The following DCTN6 variants were observed in gnomAD, a reference collection of about 807,000 sequenced individuals.
DCTN6 encodes the protein dynactin 6.
Under a neutral mutation model 25.8 loss-of-function variants are expected in DCTN6, and 15 were observed. That is an observed-to-expected ratio of 0.58 (90% CI 0.39 to 0.89). DCTN6 has a LOEUF of 0.89. Among genes scored for constraint, DCTN6 ranks in the 40% least tolerant of loss-of-function variants. DCTN6 has a pLI of 0.00. For missense variants in DCTN6, 198 were observed against 237.6 expected (o/e 0.83, Z 1.09); for synonymous variants, 64 against 78.3 (o/e 0.82, Z 0.96).
At chr8:30,173,069 A>C (rs1803784501) in intron 2 of DCTN6, among the ~76,000 whole-genome samples, 1 of 152,164 alleles carries the variant, frequency 6.6e-6, no homozygotes, top group African/African-American at 2.4e-5. Context: ...TAACAGCTGA[A>C]GATTTGGAAA....
In DCTN6 at chr8:30,180,575, A is replaced by G. The variant is rs1244143712; in HGVS notation, c.419A>G (p.Asn140Ser). 6.2e-7 allele frequency: 1 copy of G among 1,613,996 alleles called. No homozygotes were observed. The highest frequency in any genetic ancestry group is 1.3e-5 in the African/African-American group (1 of 74,918). Residue 140 changes from asparagine to serine, a missense_variant, in exon 6 of 7, where the codon AAT becomes AGT. Coordinates refer to ENST00000221114, the MANE Select transcript of DCTN6 (RefSeq NM_006571.4). ...AATACATTTGAAGTCATCCCTGAGAATACGGTGATCTATGGTGCAGACTGC... is the reference window on the plus strand; with the variant it reads ...AATACATTTGAAGTCATCCCTGAGAGTACGGTGATCTATGGTGCAGACTGC... ...NLNTFEVIPE[N>S]TVIYGADCLR...
chr8:30,164,198 T>G, intron 2 of DCTN6, 23 bp downstream of exon 2: 6 of 1,571,824 alleles, frequency 3.8e-6, no homozygotes, highest in Non-Finnish European at 5.3e-6. Context: ...TTATTTACTG[T>G]TTTTCAAGAA....
At chr8:30,163,087 C>T (rs1035250260) in intron 1 of DCTN6, among the ~76,000 whole-genome samples, 1 of 151,786 alleles carries the variant, frequency 6.6e-6, no homozygotes. Flanking sequence ...CACCTGAGGT[C>T]GGGAGTTCGA....
At chr8:30,178,713 G>A (rs1803876780) in intron 4 of DCTN6, among the ~76,000 whole-genome samples, 1 of 151,888 alleles carries the variant, frequency 6.6e-6, no homozygotes, top group South Asian at 2.1e-4. Flanking sequence ...GGCTGGCATT[G>A]CAGTGGCACA....
rs923384415 is a variant in DCTN6 at position 30,164,770 on chromosome 8, C to CG, written c.88+597dup. On this transcript the variant is annotated intron_variant, in intron 2 of 6. Transcript: ENST00000221114. ...CGGTTGATTGTCCAGCATGGAGCTC[C>CG]GGCCCTGCAGGCCAGGAAGTGATGG... is the stretch of plus-strand genomic sequence containing the variant. Among the ~76,000 whole-genome samples, 45 of 152,320 alleles carry CG rather than the reference C, an allele frequency of 3.0e-4. 1 individual carries two copies. The highest frequency in any genetic ancestry group is 1.1e-3 in the African/African-American group (45 of 41,570).
chr8:30,159,251 A>G (rs1268738220), intron 1 of DCTN6, among the ~76,000 whole-genome samples: 1 of 150,600 alleles, frequency 6.6e-6, no homozygotes, highest in Non-Finnish European at 1.5e-5. Flanking sequence ...AGTTTTTTCT[A>G]TTTGATACAT....
At chr8:30,172,477 T>C (rs1407847669) in intron 2 of DCTN6, among the ~76,000 whole-genome samples, 1 of 151,308 alleles carries the variant, frequency 6.6e-6, no homozygotes, top group East Asian at 1.9e-4. Context: ...TGAGATGGAG[T>C]CTCGGCTCTG....
chr8:30,179,773 A>G (rs780375048), intron 5 of DCTN6, among the ~76,000 whole-genome samples: 38 of 152,048 alleles, frequency 2.5e-4, no homozygotes, highest in Middle Eastern at 3.2e-3. Context: ...GTAGAATTAA[A>G]GGGGGGGAAA....
At chr8:30,163,301 A>G (rs1209714714) in intron 1 of DCTN6, among the ~76,000 whole-genome samples, 2 of 152,138 alleles carry the variant, frequency 1.3e-5, no homozygotes, top group South Asian at 2.1e-4. Context: ...CTGTCTCAAA[A>G]AAAAAAGATG....
At chr8:30,166,928 A>G (rs1405225428) in intron 2 of DCTN6, among the ~76,000 whole-genome samples, 1 of 151,850 alleles carries the variant, frequency 6.6e-6, no homozygotes, top group Non-Finnish European at 1.5e-5. Context: ...GGGACCAGAA[A>G]GAAAGACAAA....
At chr8:30,168,652 T>C (rs1223002608) in intron 2 of DCTN6, among the ~76,000 whole-genome samples, 1 of 152,214 alleles carries the variant, frequency 6.6e-6, no homozygotes, top group Non-Finnish European at 1.5e-5. Context: ...ATGTTTTCCT[T>C]TGCTAAGTTT....
chr8:30,172,330 G>A (rs1310431670), intron 2 of DCTN6, among the ~76,000 whole-genome samples: 2 of 152,080 alleles, frequency 1.3e-5, no homozygotes, highest in African/African-American at 2.4e-5. Flanking sequence ...TAAGCAAATT[G>A]CAGAAGAAGG....
intron 5 of DCTN6, 152 bp downstream of exon 5, chr8:30,179,607 C>T (rs1803887363): frequency 6.9e-6 from 4 of 583,242 alleles, no homozygotes; most frequent in Admixed American, 3.4e-5. Flanking sequence ...ACTAAGGAAC[C>T]TAATCTGGTT....
intron 2 of DCTN6, among the ~76,000 whole-genome samples, chr8:30,168,608 T>C (rs1803718941): frequency 6.6e-6 from 1 of 152,246 alleles, no homozygotes; most frequent in Admixed American, 6.5e-5. Context: ...CTTTTACAAA[T>C]TATTCCATTC....
rs1409533905 is a variant in DCTN6 at position 30,180,563 on chromosome 8, T to A, written c.407T>A (p.Val136Asp). Residue 136 changes from valine to aspartate, a missense_variant, in exon 6 of 7, where the codon GTC (valine) becomes GAC (aspartate). By Grantham distance (152) the Val-to-Asp change is radical (BLOSUM62 -3). Coordinates refer to ENST00000221114, the MANE Select transcript of DCTN6 (RefSeq NM_006571.4). Reference protein sequence around the residue: ...GACCNLNTFEVIPENTVIYGA... With the variant: ...GACCNLNTFEDIPENTVIYGA... ...TGTTGCAACCTAAATACATTTGAAG[T>A]CATCCCTGAGAATACGGTGATCTAT... is the stretch of plus-strand genomic sequence containing the variant. 1 of 1,614,108 alleles carries A rather than the reference T, an allele frequency of 6.2e-7. No homozygotes were observed. Among genetic ancestry groups the A allele is most frequent in the African/African-American group, 1.3e-5 (1 of 75,026 alleles).
In DCTN6 at chr8:30,179,391, C is replaced by G; in HGVS notation, c.284-17C>G. 6.2e-7 allele frequency: 1 copy of G among 1,605,106 alleles called. No individual in the cohort carries two copies. The highest frequency in any genetic ancestry group is 1.1e-5 in the South Asian group (1 of 90,336). On this transcript the variant is annotated splice_polypyrimidine_tract_variant and intron_variant, in intron 4 of 6. Transcript: ENST00000221114. ...AGATGAACATATTTGTAGTATTTAC[C>G]TAACTCTGGCTTACAGATTCCCAAG...
intron 6 of DCTN6, among the ~76,000 whole-genome samples, chr8:30,181,554 G>C (rs16876626): frequency 0.011 from 1,711 of 152,196 alleles, 39 homozygotes; most frequent in African/African-American, 0.038. Flanking sequence ...GCAGTTTCGA[G>C]CCTCATTGCT....
intron 1 of DCTN6, among the ~76,000 whole-genome samples, chr8:30,159,636 A>G (rs1182375734): frequency 1.3e-5 from 2 of 152,130 alleles, no homozygotes; most frequent in African/African-American, 4.8e-5. Flanking sequence ...ATTTAGCCAA[A>G]TGACTTTTTT....
intron 4 of DCTN6, 138 bp downstream of exon 4, chr8:30,177,352 A>G (rs1190291598): frequency 2.4e-5 from 15 of 616,694 alleles, no homozygotes; most frequent in Admixed American, 3.3e-5. Flanking sequence ...TAAAATTGTC[A>G]TAATTTATCT....
Sources: gnomAD v4.1 joint callset for allele counts (sites outside exome capture counted in the v4.1 genomes callset) on GRCh38, gnomAD v4.1.1 for gene constraint, MANE v1.5 for transcripts, NCBI Gene and HGNC (gene_info 2026-07-23, HGNC 2026-07-21) for gene names.